Variants in RNF212 observed in about 807,000 individuals in gnomAD.
RNF212 encodes the protein ring finger protein 212, also known as probable E3 SUMO-protein ligase RNF212.
A neutral mutation model predicts 34.7 loss-of-function variants in RNF212; 33 were observed. The observed-to-expected ratio is 0.95, with a 90% CI of 0.72 to 1.27. RNF212 has a LOEUF of 1.27. RNF212 is among the 50% of genes most tolerant of loss of function. The probability of loss-of-function intolerance (pLI) is 0.00; values close to 1 mark genes in which losing one functional copy is unlikely to be tolerated. For synonymous variants in RNF212, 140 were observed against 136.1 expected (o/e 1.03, Z -0.20); for missense variants, 377 against 362.2 (o/e 1.04, Z -0.33).
intron 1 of RNF212, among the ~76,000 whole-genome samples, chr4:1,110,651 C>T (rs1478162004): frequency 1.3e-5 from 2 of 152,146 alleles, no homozygotes; most frequent in East Asian, 3.8e-4. Flanking sequence ...GAATGGTAGA[C>T]ACACTATTGC....
intron 3 of RNF212, among the ~76,000 whole-genome samples, chr4:1,066,304 T>C (rs1718092494): frequency 6.6e-6 from 1 of 152,170 alleles, no homozygotes; most frequent in Non-Finnish European, 1.5e-5. Context: ...TTGTGTACTT[T>C]GCCTATTCAA....
chr4:1,097,621 C>T (rs535970422), intron 2 of RNF212, among the ~76,000 whole-genome samples: 19 of 151,690 alleles, frequency 1.3e-4, no homozygotes, highest in Middle Eastern at 3.4e-3. Flanking sequence ...CTCATGCAGA[C>T]GCTCCCAACT....
intron 3 of RNF212, among the ~76,000 whole-genome samples, chr4:1,063,818 G>A (rs1162592315): frequency 4.6e-5 from 7 of 151,596 alleles, no homozygotes; most frequent in Non-Finnish European, 1.0e-4. Flanking sequence ...AGGCTGCAGT[G>A]AGCCATGGTC....
intron 2 of RNF212, chr4:1,099,859 CG>C (rs1723683401): frequency 2.2e-6 from 1 of 456,098 alleles, no homozygotes; most frequent in Non-Finnish European, 4.4e-6. Flanking sequence ...GCGGGATCCA[CG>C]GGGCTCTCCT....
chr4:1,065,824 G>C (rs1480431335), intron 3 of RNF212, among the ~76,000 whole-genome samples: 1 of 148,710 alleles, frequency 6.7e-6, no homozygotes, highest in African/African-American at 2.4e-5. Flanking sequence ...GACCTCAAGT[G>C]ATCTGTCCAC....
At chr4:1,079,397 G>A (rs531634569) in intron 8 of RNF212, among the ~76,000 whole-genome samples, 2 of 152,344 alleles carry the variant, frequency 1.3e-5, no homozygotes, top group East Asian at 3.9e-4. Context: ...CACCTCGTCC[G>A]CATTTGCTTT....
At chr4:1,100,882 T>C (rs55741287) in intron 2 of RNF212, 99,537 of 161,140 alleles carry the variant, frequency 0.62, 31,327 homozygotes, top group Middle Eastern at 0.7. Flanking sequence ...GCAGACGCTC[T>C]CATGTCACAT....
intron 5 of RNF212, among the ~76,000 whole-genome samples, chr4:1,084,061 GC>G (rs1253858721): frequency 1.3e-5 from 2 of 150,148 alleles, no homozygotes; most frequent in Non-Finnish European, 3.0e-5. Context: ...AGATTCTCCT[GC>G]CTCAGCCTCC....
At chr4:1,095,792 G>A (rs71604356) in intron 3 of RNF212, among the ~76,000 whole-genome samples, 224 of 25,406 alleles carry the variant, frequency 8.8e-3, no homozygotes, top group Admixed American at 0.018. Flanking sequence ...GGCTCATCAC[G>A]GAACCAAGCA....
intron 2 of RNF212, among the ~76,000 whole-genome samples, chr4:1,097,157 GC>G: frequency 6.6e-6 from 1 of 152,268 alleles, no homozygotes; most frequent in East Asian, 1.9e-4. Flanking sequence ...AAGGCCTCCA[GC>G]CCAGCCTCCT....
intron 8 of RNF212, 144 bp downstream of exon 8, chr4:1,079,499 C>A: frequency 1.4e-6 from 1 of 699,764 alleles, no homozygotes; most frequent in Non-Finnish European, 2.6e-6. Flanking sequence ...ACCCCTCTCA[C>A]CCACGGGACC....
In RNF212 at chr4:1,079,251, A is replaced by C. The variant is rs201347530; in HGVS notation, c.510+392T>G. Among the ~76,000 whole-genome samples the C allele has an allele frequency of 2.6e-4, 40 of 152,236 alleles. 2 individuals carry two copies. In the East Asian group the frequency reaches 7.8e-3, roughly 30 times the overall value. ...AACATGGGACCAACACAGGGTCAAC[A>C]CAGGACCAACATGGGACCAACACAG... On this transcript the variant is annotated intron_variant, in intron 8 of 9. Coordinates refer to ENST00000433731, the MANE Select transcript of RNF212 (RefSeq NM_001131034.4).
intron 3 of RNF212, among the ~76,000 whole-genome samples, chr4:1,062,506 A>C (rs1267393743): frequency 6.6e-6 from 1 of 152,192 alleles, no homozygotes; most frequent in African/African-American, 2.4e-5. Context: ...TCAACCCTAT[A>C]AAGGGCGCCT....
intron 2 of RNF212, chr4:1,100,220 G>T: frequency 3.5e-6 from 1 of 288,410 alleles, no homozygotes; most frequent in African/African-American, 2.2e-5. Context: ...TCTAGCGTTA[G>T]GTCTTGTTTT....
At chr4:1,091,063 C>A (rs1353917971) in intron 3 of RNF212, among the ~76,000 whole-genome samples, 1 of 152,234 alleles carries the variant, frequency 6.6e-6, no homozygotes, top group African/African-American at 2.4e-5. Context: ...TCCCCAGCAA[C>A]CTGCTCCATT....
At position 1,072,850 on chromosome 4, in the gene RNF212, CATT is replaced by C; in HGVS notation, c.*21_*23del. ...GGAATAAATTGAAAACACTCAGAAT[CATT>C]AATAGTCACATAAATGCAAATCAAA... On this transcript the variant is annotated 3_prime_UTR_variant, in exon 10 of 10. Transcript: ENST00000433731. The C allele has an allele frequency of 1.9e-6, 3 of 1,552,506 alleles. No homozygotes were observed. Among genetic ancestry groups the C allele is most frequent in the Non-Finnish European group, 2.6e-6 (3 of 1,146,186 alleles).
intron 3 of RNF212, among the ~76,000 whole-genome samples, chr4:1,092,007 C>A (rs932062735): frequency 6.6e-6 from 1 of 152,194 alleles, no homozygotes; most frequent in African/African-American, 2.4e-5. Flanking sequence ...CCACCTTTGC[C>A]GACGCTTCTC....
At chr4:1,079,508 C>G in intron 8 of RNF212, 135 bp downstream of exon 8, 1 of 724,288 alleles carries the variant, frequency 1.4e-6, no homozygotes, top group South Asian at 1.5e-5. Context: ...ACCCACGGGA[C>G]CAGCACACGA....
At chr4:1,066,623 G>A (rs551266688), downstream of RNF212, among the ~76,000 whole-genome samples, 4 of 152,164 alleles carry the variant, frequency 2.6e-5, no homozygotes, top group African/African-American at 4.8e-5. Flanking sequence ...GCACCACTGC[G>A]CCCAGGCTTT....
Sources: gnomAD v4.1 joint callset for allele counts (sites outside exome capture counted in the v4.1 genomes callset) on GRCh38, gnomAD v4.1.1 for gene constraint, MANE v1.5 for transcripts, NCBI Gene and HGNC (gene_info 2026-07-23, HGNC 2026-07-21) for gene names.